SLC10A4: variants seen among roughly 807,000 people sequenced by gnomAD.
SLC10A4 encodes putative sodium/bile acid cotransporter 4.
SLC10A4 carries 17 observed loss-of-function variants against 22.5 expected under a neutral mutation model. The ratio of observed to expected loss-of-function variants is 0.76; its 90% CI spans 0.52 to 1.14. The LOEUF is 1.14. SLC10A4 is among the 50% of genes most tolerant of loss of function. SLC10A4 has a pLI of 0.00. For synonymous variants in SLC10A4, 257 were observed against 258.2 expected (o/e 1.00, Z 0.04); for missense variants, 548 against 584.0 (o/e 0.94, Z 0.64).
Position 48,488,617 on chromosome 4 carries a change from C to T in SLC10A4, c.992C>T (p.Thr331Ile), listed in dbSNP as rs369084862. 9.3e-6 allele frequency: 15 copies of T among 1,613,946 alleles called. No homozygotes were observed. The highest frequency in any genetic ancestry group is 1.1e-5 in the Non-Finnish European group (13 of 1,180,014). ...LFHLPPNCKR[T>I]VCLETGSQNV... Reference sequence around the variant, plus strand: ...CATCTTCCACCCAACTGCAAGAGGACTGTATGTCTGGAAACAGGTAGTCAG... The same window carrying T: ...CATCTTCCACCCAACTGCAAGAGGATTGTATGTCTGGAAACAGGTAGTCAG... Residue 331 changes from threonine (T) to isoleucine (I), a missense_variant, in exon 3 of 3, where the codon ACT becomes ATT. Coordinates refer to ENST00000273861, the MANE Select transcript of SLC10A4 (RefSeq NM_152679.4).
intron 2 of SLC10A4, among the ~76,000 whole-genome samples, chr4:48,487,955 C>G (rs1348253882): frequency 6.6e-6 from 1 of 151,492 alleles, no homozygotes; most frequent in African/African-American, 2.4e-5. Flanking sequence ...AGGCATTCAC[C>G]ATCACACCTG....
Position 48,483,394 on chromosome 4 carries a change from TG to T in SLC10A4, c.-165del. 2.5e-6 allele frequency: 1 copy of T among 406,622 alleles called. No individual in the cohort carries two copies. Among genetic ancestry groups the T allele is most frequent in the Non-Finnish European group, 4.1e-6 (1 of 241,968 alleles). The allele number at this position is 406,622 out of a possible 1,614,324, so 25.2% of individuals were successfully genotyped here. ...GCCAGGCTGCGGGCGGCTGCAGACCTGGGAGCGGAGACCGGCCCGCCGCCCC... is the reference window on the plus strand; with the variant it reads ...GCCAGGCTGCGGGCGGCTGCAGACCTGGAGCGGAGACCGGCCCGCCGCCCC... On this transcript the variant is annotated 5_prime_UTR_variant, in exon 1 of 3. Transcript: ENST00000273861. The surrounding 1 kb of genome is among the most constrained non-coding windows in gnomAD (Gnocchi z 5.4).
At chr4:48,487,651 A>C (rs1475138729) in intron 2 of SLC10A4, among the ~76,000 whole-genome samples, 1 of 152,086 alleles carries the variant, frequency 6.6e-6, no homozygotes, top group Non-Finnish European at 1.5e-5. Flanking sequence ...TACCAAAACA[A>C]AGTTATGTGA....
rs552176175 is a variant in SLC10A4, at chr4:48,488,812, T to TAGATGA, written c.1198_1203dup (p.Glu400_Asp401dup). 19 of 1,614,042 alleles carry TAGATGA rather than the reference T, an allele frequency of 1.2e-5. No homozygotes were observed. In the East Asian group the frequency reaches 1.3e-4, roughly 11 times the overall value. On this transcript the variant is annotated inframe_insertion, in exon 3 of 3. Transcript: ENST00000273861. ...GAAATGTTGCACAAGCGAGATCCTC[T>TAGATGA]AGATGAAGATGAAGATACAGATATT...
chr4:48,488,676 G>A lies in SLC10A4; in HGVS notation c.1051G>A (p.Ala351Thr), dbSNP rs1718330535. 1 of 1,613,922 alleles carries A rather than the reference G, an allele frequency of 6.2e-7. No individual in the cohort carries two copies. Among genetic ancestry groups the A allele is most frequent in the Non-Finnish European group, 8.5e-7 (1 of 1,180,008 alleles). Residue 351 changes from alanine to threonine, a missense_variant, in exon 3 of 3, where the codon GCC becomes ACC. By Grantham distance (58) the Ala-to-Thr change is moderately conservative (BLOSUM62 0). This residue lies in a region of SLC10A4 where 314 missense variants were observed against 353.2 expected (regional missense o/e 0.89). Coordinates refer to ENST00000273861, the MANE Select transcript of SLC10A4 (RefSeq NM_152679.4). Reference protein sequence around the residue: ...VQLCTAILKLAFPPQFIGSMY... With the variant: ...VQLCTAILKLTFPPQFIGSMY... ...GCTCTGTACAGCCATTCTAAAACTG[G>A]CCTTTCCACCGCAATTCATAGGAAG... is the stretch of plus-strand genomic sequence containing the variant.
Position 48,488,470 on chromosome 4 carries a change from T to C in SLC10A4, c.845T>C (p.Ile282Thr). Reference sequence around the variant, plus strand: ...CTAGTGACTCTGGTGGTCCTTTTCATAATGACCGGCACTATGTTAGGACCT... The same window carrying C: ...CTAGTGACTCTGGTGGTCCTTTTCACAATGACCGGCACTATGTTAGGACCT... The part of the protein sequence containing the change: ...SLLVTLVVLF[I>T]MTGTMLGPEL... Residue 282 changes from isoleucine (I) to threonine (T), a missense_variant, in exon 3 of 3, where the codon ATA becomes ACA. Transcript: ENST00000273861. The C allele has an allele frequency of 6.2e-7, 1 of 1,612,690 alleles. No homozygotes were observed. Among genetic ancestry groups the C allele is most frequent in the Non-Finnish European group, 8.5e-7 (1 of 1,179,222 alleles).
In SLC10A4 at chr4:48,483,621, C is replaced by T; in HGVS notation, c.60C>T (p.Thr20=). 6.7e-7 allele frequency: 1 copy of T among 1,497,592 alleles called. No homozygotes were observed. The allele number at this position is 1,497,592 out of a possible 1,614,324, so 92.8% of individuals were successfully genotyped here. A position where few individuals can be genotyped will look rare whatever the true frequency, so the allele number is the denominator to read the frequency against. The change falls in exon 1 of 3, where the codon ACC becomes ACT. Residue 20 remains threonine (T), a synonymous_variant. Transcript: ENST00000273861. The surrounding 1 kb of genome is among the most constrained non-coding windows in gnomAD (Gnocchi z 5.4). Reference sequence around the variant, plus strand: ...CCCCTCTGCTGCGGGACAACTACACCCTGGCGCCCAATGCCAGCAGCCTGG... The same window carrying T: ...CCCCTCTGCTGCGGGACAACTACACTCTGGCGCCCAATGCCAGCAGCCTGG... ...LFAPLLRDNY[T]LAPNASSLGP...
In SLC10A4 at chr4:48,484,194, C is replaced by G. The variant is rs200806965; in HGVS notation, c.590+43C>G. ...CCTTGGGCATCTGTCTCATCCCAGACGCGCGTTTACGGCCGTGGGCTCACG... is the reference window on the plus strand; with the variant it reads ...CCTTGGGCATCTGTCTCATCCCAGAGGCGCGTTTACGGCCGTGGGCTCACG... On this transcript the variant is annotated intron_variant, in intron 1 of 2. Coordinates refer to ENST00000273861, the MANE Select transcript of SLC10A4 (RefSeq NM_152679.4). 7.5e-5 allele frequency: 112 copies of G among 1,497,454 alleles called. 2 individuals carry two copies. The highest frequency in any genetic ancestry group is 7.0e-5 in the East Asian group (3 of 43,076). The allele number at this position is 1,497,454 out of a possible 1,614,324, so 92.8% of individuals were successfully genotyped here.
At position 48,483,375 on chromosome 4, in the gene SLC10A4, C is replaced by A. The variant is rs1319123831; in HGVS notation, c.-187C>A. 2.7e-5 allele frequency: 9 copies of A among 331,006 alleles called. No homozygotes were observed. Among genetic ancestry groups the A allele is most frequent in the Admixed American group, 5.1e-5 (1 of 19,778 alleles). The allele number at this position is 331,006 out of a possible 1,614,324, so 20.5% of individuals were successfully genotyped here. On this transcript the variant is annotated 5_prime_UTR_variant, in exon 1 of 3. The change creates a new upstream start codon in the 5' untranslated region. Coordinates refer to ENST00000273861, the MANE Select transcript of SLC10A4 (RefSeq NM_152679.4). This position sits in a 1 kb window ranked among gnomAD's most constrained non-coding sequence, Gnocchi z 5.4. ...GGGCCGCGCTGCGCGGAGTGCCAGG[C>A]TGCGGGCGGCTGCAGACCTGGGAGC...
Position 48,483,426 on chromosome 4 carries a change from C to G in SLC10A4, c.-136C>G. ...GGAGACCGGCCCGCCGCCCCCGACG[C>G]CGCCGAGCACGTCAGCGGCGCGCAG... On this transcript the variant is annotated 5_prime_UTR_variant, in exon 1 of 3. Transcript: ENST00000273861. This position sits in a 1 kb window ranked among gnomAD's most constrained non-coding sequence, Gnocchi z 5.4. The G allele has an allele frequency of 1.7e-6, 1 of 601,994 alleles. No homozygotes were observed. Among genetic ancestry groups the G allele is most frequent in the African/African-American group, 2.0e-5 (1 of 51,012 alleles). 37.3% of individuals were successfully genotyped at this position (601,994 alleles called of 1,614,324 possible).
rs538971971 is a variant in SLC10A4, at chr4:48,483,685, G to C, written c.124G>C (p.Ala42Pro). 6.8e-6 allele frequency: 10 copies of C among 1,470,356 alleles called. No homozygotes were observed. Among genetic ancestry groups the C allele is most frequent in the Non-Finnish European group, 9.0e-6 (10 of 1,116,380 alleles). 91.1% of individuals were successfully genotyped at this position (1,470,356 alleles called of 1,614,324 possible). Residue 42 changes from alanine to proline, a missense_variant, in exon 1 of 3, where the codon GCC (alanine) becomes CCC (proline). This residue lies in a region of SLC10A4 where 225 missense variants were observed against 206.9 expected (regional missense o/e 1.09). Transcript: ENST00000273861. The surrounding 1 kb of genome is among the most constrained non-coding windows in gnomAD (Gnocchi z 5.4). Reference protein sequence around the residue: ...TDLALAPASSAGPGPGLSLGP... With the variant: ...TDLALAPASSPGPGPGLSLGP... ...CCTCGCCCTCGCCCCTGCCTCCAGC[G>C]CCGGCCCCGGCCCTGGGCTCAGCCT...
Position 48,484,058 on chromosome 4 carries a change from T to TGGCCGCCGTGGC in SLC10A4, c.500_511dup (p.Ala167_Ala170dup). ...GCCCTCGCCTTCAAGCTGGACGAGG[T>TGGCCGCCGTGGC]GGCCGCCGTGGCGGTGCTCCTGTGT... On this transcript the variant is annotated inframe_insertion, in exon 1 of 3. Coordinates refer to ENST00000273861, the MANE Select transcript of SLC10A4 (RefSeq NM_152679.4). 1 of 1,603,234 alleles carries TGGCCGCCGTGGC rather than the reference T, an allele frequency of 6.2e-7. No individual in the cohort carries two copies. The highest frequency in any genetic ancestry group is 1.7e-4 in the Middle Eastern group (1 of 6,054).
chr4:48,485,773 C>G (rs768142138), intron 2 of SLC10A4, among the ~76,000 whole-genome samples: 4 of 152,106 alleles, frequency 2.6e-5, no homozygotes, highest in Non-Finnish European at 4.4e-5. Context: ...TTTTCTTTCT[C>G]CATTGCAATA....
At chr4:48,486,941 C>T (rs1718292357) in intron 2 of SLC10A4, among the ~76,000 whole-genome samples, 1 of 152,032 alleles carries the variant, frequency 6.6e-6, no homozygotes, top group Admixed American at 6.5e-5. Flanking sequence ...TACGCCATTC[C>T]CGAAGACTGC....
chr4:48,484,148 T>C lies in SLC10A4; in HGVS notation c.587T>C (p.Leu196Pro). The C allele has an allele frequency of 6.4e-7, 1 of 1,571,466 alleles. No homozygotes were observed. The highest frequency in any genetic ancestry group is 8.6e-7 in the Non-Finnish European group (1 of 1,156,090). ...CTGCTGGTTGACGGCGACATGAACC[T>C]CAGGTACGGATCTGTCTATTCCTTG... ...MSLLVDGDMNLSIIMTISSTL... is the reference protein window; with the variant it reads ...MSLLVDGDMNPSIIMTISSTL... Residue 196 changes from leucine to proline, a missense_variant, in exon 1 of 3, where the codon CTC (leucine) becomes CCC (proline). Transcript: ENST00000273861.
rs756012695 is a variant in SLC10A4, at chr4:48,483,894, C to A, written c.333C>A (p.Ala111=). ...LNHGLNVFVG[A]ALCITMLGLG... ...ACGGGCTGAACGTGTTCGTGGGCGC[C>A]GCCCTGTGCATCACCATGCTGGGCC... Residue 111 remains alanine, a synonymous_variant, in exon 1 of 3, where the codon GCC becomes GCA. Transcript: ENST00000273861. This position sits in a 1 kb window ranked among gnomAD's most constrained non-coding sequence, Gnocchi z 5.4. The A allele has an allele frequency of 7.9e-5, 122 of 1,544,344 alleles. No individual in the cohort carries two copies. Among genetic ancestry groups the A allele is most frequent in the Non-Finnish European group, 1.0e-4 (118 of 1,146,428 alleles).
At position 48,488,791 on chromosome 4, in the gene SLC10A4, T is replaced by C; in HGVS notation, c.1166T>C (p.Met389Thr). The C allele has an allele frequency of 6.2e-7, 1 of 1,614,022 alleles. No homozygotes were observed. The highest frequency in any genetic ancestry group is 8.5e-7 in the Non-Finnish European group (1 of 1,180,026). The change falls in exon 3 of 3, where the codon ATG (methionine) becomes ACG (threonine). Residue 389 changes from methionine to threonine, a missense_variant. By Grantham distance (81) the Met-to-Thr change is moderately conservative (BLOSUM62 -1). Transcript: ENST00000273861. ...VLIYKMYGSE[M>T]LHKRDPLDED... Reference sequence around the variant, plus strand: ...ATCTATAAAATGTATGGAAGTGAAATGTTGCACAAGCGAGATCCTCTAGAT... The same window carrying C: ...ATCTATAAAATGTATGGAAGTGAAACGTTGCACAAGCGAGATCCTCTAGAT...
chr4:48,488,991 A>G lies in SLC10A4; in HGVS notation c.*52A>G. 2.0e-6 allele frequency: 3 copies of G among 1,524,828 alleles called. No individual in the cohort carries two copies. The highest frequency in any genetic ancestry group is 2.6e-6 in the Non-Finnish European group (3 of 1,140,464). The allele number at this position is 1,524,828 out of a possible 1,614,324, so 94.5% of individuals were successfully genotyped here. A position where few individuals can be genotyped will look rare whatever the true frequency, so the allele number is the denominator to read the frequency against. ...CTTGCTGAAATATTGCTTCATATTT[A>G]TAGCCTGTGGTAGTGCACATGGTTA... On this transcript the variant is annotated 3_prime_UTR_variant, in exon 3 of 3. Transcript: ENST00000273861.
Position 48,483,926 on chromosome 4 carries a change from G to T in SLC10A4, c.365G>T (p.Cys122Phe). 6.5e-7 allele frequency: 1 copy of T among 1,543,320 alleles called. No individual in the cohort carries two copies. ...ALCITMLGLG[C>F]TVDVNHFGAH... ...TGCATCACCATGCTGGGCCTGGGCTGCACGGTGGACGTGAACCACTTCGGG... is the reference window on the plus strand; with the variant it reads ...TGCATCACCATGCTGGGCCTGGGCTTCACGGTGGACGTGAACCACTTCGGG... The change falls in exon 1 of 3, where the codon TGC becomes TTC. Residue 122 changes from cysteine to phenylalanine, a missense_variant. Cys to Phe is a radical substitution (Grantham distance 205). This residue lies in a region of SLC10A4 where 225 missense variants were observed against 206.9 expected (regional missense o/e 1.09). Coordinates refer to ENST00000273861, the MANE Select transcript of SLC10A4 (RefSeq NM_152679.4). This position sits in a 1 kb window ranked among gnomAD's most constrained non-coding sequence, Gnocchi z 5.4.
Sources: gnomAD v4.1 joint callset for allele counts (sites outside exome capture counted in the v4.1 genomes callset) on GRCh38, gnomAD v4.1.1 for gene constraint, gnomAD v4.1.1 regional missense constraint, Gnocchi (gnomAD v3.1) non-coding constraint, MANE v1.5 for transcripts, NCBI Gene and HGNC (gene_info 2026-07-23, HGNC 2026-07-21) for gene names.